SLCO6A1: variants seen among roughly 807,000 people sequenced by gnomAD.
SLCO6A1 encodes the protein cancer/testis antigen 48.
A neutral mutation model predicts 72.7 loss-of-function variants in SLCO6A1; 65 were observed. The ratio of observed to expected loss-of-function variants is 0.89; its 90% CI spans 0.73 to 1.10. SLCO6A1 has a LOEUF of 1.10. Among genes scored for constraint, SLCO6A1 ranks in the 50% least tolerant of loss-of-function variants. SLCO6A1 has a pLI of 0.00. For synonymous variants in SLCO6A1, 314 were observed against 298.2 expected (o/e 1.05, Z -0.55); for missense variants, 874 against 872.6 (o/e 1.00, Z -0.02).
intron 4 of SLCO6A1, among the ~76,000 whole-genome samples, chr5:102,460,393 C>A (rs189728691): frequency 6.6e-5 from 10 of 152,190 alleles, no homozygotes; most frequent in African/African-American, 2.4e-4. Context: ...CACCATAAAG[C>A]CTTGCAGTGG....
At chr5:102,436,545 T>A (rs1749546547) in intron 7 of SLCO6A1, among the ~76,000 whole-genome samples, 1 of 152,190 alleles carries the variant, frequency 6.6e-6, no homozygotes, top group South Asian at 2.1e-4. Flanking sequence ...TTATAACAGC[T>A]AACTTACAGG....
chr5:102,460,415 T>C (rs912761023), intron 4 of SLCO6A1, among the ~76,000 whole-genome samples: 19 of 152,260 alleles, frequency 1.2e-4, no homozygotes, highest in African/African-American at 2.6e-4. Flanking sequence ...GAAGGTGATA[T>C]TGGAAAGTCG....
At chr5:102,397,901 CT>C in intron 10 of SLCO6A1, among the ~76,000 whole-genome samples, 1 of 152,196 alleles carries the variant, frequency 6.6e-6, no homozygotes, top group African/African-American at 2.4e-5. Context: ...CTCTTTATCT[CT>C]GTCTTGTTAT....
At chr5:102,461,417 A>G (rs1407314351) in intron 4 of SLCO6A1, among the ~76,000 whole-genome samples, 1 of 152,118 alleles carries the variant, frequency 6.6e-6, no homozygotes, top group Non-Finnish European at 1.5e-5. Context: ...AAAACCTGAG[A>G]GTATAAAATT....
chr5:102,471,474 C>A (rs1751605795), intron 4 of SLCO6A1, among the ~76,000 whole-genome samples: 1 of 152,066 alleles, frequency 6.6e-6, no homozygotes, highest in Admixed American at 6.6e-5. Flanking sequence ...TCTGAACATT[C>A]ACACGCTTAA....
At chr5:102,399,524 TAAAC>T (rs1364642585) in intron 10 of SLCO6A1, 27 bp downstream of exon 10, 17 of 1,260,914 alleles carry the variant, frequency 1.3e-5, no homozygotes, top group Non-Finnish European at 1.5e-5. Flanking sequence ...ATATATTAAA[TAAAC>T]AATAATAATG....
chr5:102,372,412 T>C (rs1019941082), intron 13 of SLCO6A1, among the ~76,000 whole-genome samples: 1 of 151,966 alleles, frequency 6.6e-6, no homozygotes, highest in African/African-American at 2.4e-5. Context: ...GTAGAGAACC[T>C]TGTTCCACAA....
intron 4 of SLCO6A1, among the ~76,000 whole-genome samples, chr5:102,469,149 T>G (rs1303429218): frequency 2.6e-5 from 4 of 152,128 alleles, no homozygotes; most frequent in African/African-American, 4.8e-5. Context: ...GCAGGCTTTT[T>G]TTTTTGGTTT....
intron 4 of SLCO6A1, among the ~76,000 whole-genome samples, chr5:102,462,569 C>T (rs1415736221): frequency 6.6e-6 from 1 of 152,120 alleles, no homozygotes; most frequent in Non-Finnish European, 1.5e-5. Flanking sequence ...ATAGATAACC[C>T]ATAAATAAAG....
intron 7 of SLCO6A1, among the ~76,000 whole-genome samples, chr5:102,423,248 G>A (rs72779968): frequency 0.033 from 5,080 of 152,196 alleles, 107 homozygotes; most frequent in Non-Finnish European, 0.048. Context: ...TCTTCATGAT[G>A]ACAGGATCAA....
At chr5:102,400,017 G>A (rs9285946) in intron 9 of SLCO6A1, among the ~76,000 whole-genome samples, 96,592 of 151,574 alleles carry the variant, frequency 0.64, 30,946 homozygotes, top group African/African-American at 0.66. Flanking sequence ...ATTTTCCTCA[G>A]AATATTTATA....
rs192132171 is a variant in SLCO6A1 at position 102,397,734 on chromosome 5, T to G, written c.1814+1821A>C. On this transcript the variant is annotated intron_variant, in intron 10 of 13. Coordinates refer to ENST00000506729, the MANE Select transcript of SLCO6A1 (RefSeq NM_173488.5). ...TGTCAGTCCTTGGGTCCTCTGTATA[T>G]TTTCTGTTCCTTATAACATCTTCTG... Among the ~76,000 whole-genome samples the G allele has an allele frequency of 3.1e-3, 468 of 152,306 alleles. 3 individuals carry two copies. Among genetic ancestry groups the G allele is most frequent in the African/African-American group, 0.011 (453 of 41,572 alleles).
intron 6 of SLCO6A1, among the ~76,000 whole-genome samples, chr5:102,449,743 T>C (rs961899285): frequency 6.6e-6 from 1 of 152,228 alleles, no homozygotes; most frequent in Non-Finnish European, 1.5e-5. Flanking sequence ...TCCTCCAATA[T>C]GTTTTCCAAG....
intron 9 of SLCO6A1, among the ~76,000 whole-genome samples, chr5:102,407,400 G>A (rs940896885): frequency 2.0e-5 from 3 of 152,136 alleles, no homozygotes; most frequent in Admixed American, 2.0e-4. Context: ...ATACCTCTCT[G>A]CTGCTACTGT....
rs1291902603 is a variant in SLCO6A1 at position 102,388,678 on chromosome 5, T to C, written c.2017+10A>G. On this transcript the variant is annotated intron_variant, in intron 12 of 13. Coordinates refer to ENST00000506729, the MANE Select transcript of SLCO6A1 (RefSeq NM_173488.5). ...TTATTTCTCTAAGTTTTTTAATAAG[T>C]ATCACTTACATATTCCTACCAATAA... The C allele has an allele frequency of 6.5e-7, 1 of 1,527,976 alleles. No homozygotes were observed. The highest frequency in any genetic ancestry group is 1.2e-5 in the South Asian group (1 of 81,120). The allele number at this position is 1,527,976 out of a possible 1,614,324, so 94.7% of individuals were successfully genotyped here. A position where few individuals can be genotyped will look rare whatever the true frequency, so the allele number is the denominator to read the frequency against.
chr5:102,474,036 C>T, intron 4 of SLCO6A1, among the ~76,000 whole-genome samples: 1 of 151,772 alleles, frequency 6.6e-6, no homozygotes, highest in Non-Finnish European at 1.5e-5. Context: ...AGATTTAATG[C>T]AATCCCTATC....
rs1236456733 is a variant in SLCO6A1, at chr5:102,492,077, C to A, written c.358+6410G>T. ...GCTGTACACTTTTAAACAACCAGAT[C>A]TCTTGAGAACTCACTATCACAAAAC... On this transcript the variant is annotated intron_variant, in intron 1 of 13. Transcript: ENST00000506729. Among the ~76,000 whole-genome samples, 4 of 152,234 alleles carry A rather than the reference C, an allele frequency of 2.6e-5. No homozygotes were observed. In the East Asian group the frequency reaches 7.7e-4, roughly 29 times the overall value.
At position 102,419,826 on chromosome 5, in the gene SLCO6A1, C is replaced by A; in HGVS notation, c.1472G>T (p.Gly491Val). The A allele has an allele frequency of 6.3e-7, 1 of 1,585,304 alleles. No individual in the cohort carries two copies. ...QFAGINEDYD[G>V]TGKLGNLTAP... ...GTCTAATATACAAGACTACATTTACCCATCATAATCTTCATTGATCCCAGC... is the reference window on the plus strand; with the variant it reads ...GTCTAATATACAAGACTACATTTACACATCATAATCTTCATTGATCCCAGC... The change falls in exon 8 of 14, where the codon GGA becomes GTA. Residue 491 changes from glycine (G) to valine (V), a missense_variant and splice_region_variant. Coordinates refer to ENST00000506729, the MANE Select transcript of SLCO6A1 (RefSeq NM_173488.5).
intron 13 of SLCO6A1, among the ~76,000 whole-genome samples, chr5:102,373,037 T>C (rs560702713): frequency 6.6e-6 from 1 of 151,978 alleles, no homozygotes; most frequent in African/African-American, 2.4e-5. Context: ...TAATTCCAAA[T>C]AGCAAAGGCC....
Sources: gnomAD v4.1 joint callset for allele counts (sites outside exome capture counted in the v4.1 genomes callset) on GRCh38, gnomAD v4.1.1 for gene constraint, MANE v1.5 for transcripts, NCBI Gene and HGNC (gene_info 2026-07-23, HGNC 2026-07-21) for gene names.